DYNLT5: variants seen among roughly 807,000 people sequenced by gnomAD.
DYNLT5 encodes dynein light chain Tctex-type 5.
A neutral mutation model predicts 19.3 loss-of-function variants in DYNLT5; 25 were observed. That is an observed-to-expected ratio of 1.30 (90% CI 0.95 to 1.81). The LOEUF (loss-of-function observed/expected upper bound fraction) is 1.81, where lower values mean the gene tolerates loss of function less well. Ranked by LOEUF, DYNLT5 falls within the 40% of genes most tolerant of loss-of-function variation. DYNLT5 has a pLI of 0.00. For missense variants in DYNLT5, 232 were observed against 217.9 expected, an observed-to-expected ratio of 1.06 and a Z score of -0.41; for synonymous variants, 82 against 68.9, an observed-to-expected ratio of 1.19 and a Z score of -0.94.
chr1:66,773,295 A>G (rs981979457), intron 3 of DYNLT5, among the ~76,000 whole-genome samples: 3 of 152,124 alleles, frequency 2.0e-5, no homozygotes, highest in Non-Finnish European at 4.4e-5. Context: ...AGCACAGTAG[A>G]AAGTAGATCC....
intron 3 of DYNLT5, among the ~76,000 whole-genome samples, chr1:66,774,492 G>A (rs928868052): frequency 2.0e-5 from 3 of 151,852 alleles, no homozygotes; most frequent in South Asian, 2.1e-4. Flanking sequence ...TAAAAATAAC[G>A]ATTTATAGAA....
intron 2 of DYNLT5, among the ~76,000 whole-genome samples, chr1:66,755,121 A>G (rs1427259371): frequency 2.0e-5 from 3 of 152,204 alleles, no homozygotes; most frequent in Non-Finnish European, 2.9e-5. Context: ...TAATCAATAC[A>G]TACATATACA....
chr1:66,770,113 C>T (rs189462696), intron 2 of DYNLT5, among the ~76,000 whole-genome samples: 14 of 152,236 alleles, frequency 9.2e-5, no homozygotes, highest in South Asian at 8.3e-4. Context: ...TACATCAACC[C>T]AGGATCGCTT....
chr1:66,755,701 A>G (rs965665213), intron 2 of DYNLT5: 1 of 152,232 alleles, frequency 6.6e-6, no homozygotes, highest in African/African-American at 2.4e-5. Context: ...TGTGGATTAC[A>G]CATACAATGC....
intron 3 of DYNLT5, among the ~76,000 whole-genome samples, chr1:66,771,724 A>G (rs1645205231): frequency 6.6e-6 from 1 of 152,174 alleles, no homozygotes; most frequent in African/African-American, 2.4e-5. Context: ...CTTGCAACTA[A>G]AAGTTCTTAG....
At chr1:66,771,793 A>G (rs1211211060) in intron 3 of DYNLT5, among the ~76,000 whole-genome samples, 1 of 152,218 alleles carries the variant, frequency 6.6e-6, no homozygotes, top group Non-Finnish European at 1.5e-5. Context: ...TCAGATTTGA[A>G]CAAGACAGGG....
At chr1:66,764,174 C>T (rs539176046) in intron 2 of DYNLT5, among the ~76,000 whole-genome samples, 22 of 152,008 alleles carry the variant, frequency 1.4e-4, no homozygotes, top group African/African-American at 4.6e-4. Flanking sequence ...GGTGACAAAG[C>T]GAGATTCTGT....
intron 2 of DYNLT5, among the ~76,000 whole-genome samples, chr1:66,764,858 C>T (rs372272413): frequency 3.0e-4 from 46 of 152,176 alleles, no homozygotes; most frequent in Non-Finnish European, 6.3e-4. Context: ...CTTACCTTAC[C>T]AGACAAATAA....
At chr1:66,762,408 C>T (rs959829098) in intron 2 of DYNLT5, among the ~76,000 whole-genome samples, 1 of 152,162 alleles carries the variant, frequency 6.6e-6, no homozygotes, top group Non-Finnish European at 1.5e-5. Flanking sequence ...TCCTATCTAG[C>T]TATAATTTTG....
chr1:66,760,897 T>C (rs1170513001), intron 2 of DYNLT5, among the ~76,000 whole-genome samples: 1 of 152,246 alleles, frequency 6.6e-6, no homozygotes, highest in Non-Finnish European at 1.5e-5. Context: ...CTTAAAATTG[T>C]TGTACTTTGT....
chr1:66,757,782 G>GA (rs2094638901), intron 2 of DYNLT5, among the ~76,000 whole-genome samples: 2 of 151,836 alleles, frequency 1.3e-5, no homozygotes, highest in Admixed American at 6.6e-5. Context: ...TTACATAGGT[G>GA]AAAAAAATCA....
intron 2 of DYNLT5, among the ~76,000 whole-genome samples, chr1:66,766,628 T>C (rs2094655775): frequency 6.6e-6 from 1 of 152,240 alleles, no homozygotes; most frequent in Non-Finnish European, 1.5e-5. Flanking sequence ...AAATATTTTC[T>C]CTTTTCCTTT....
chr1:66,767,772 A>T (rs1415318842), intron 2 of DYNLT5, among the ~76,000 whole-genome samples: 1 of 152,172 alleles, frequency 6.6e-6, no homozygotes, highest in East Asian at 1.9e-4. Context: ...TCACCTCAAG[A>T]CCCAAGATAG....
chr1:66,769,809 C>T (rs1007183233), intron 2 of DYNLT5, among the ~76,000 whole-genome samples: 1 of 152,046 alleles, frequency 6.6e-6, no homozygotes, highest in Admixed American at 6.6e-5. Context: ...TTGAAAAGGC[C>T]GATTGATGCT....
Position 66,752,539 on chromosome 1 carries a change from A to C in DYNLT5, c.-49A>C. The C allele has an allele frequency of 1.0e-6, 1 of 985,590 alleles. No homozygotes were observed. Among genetic ancestry groups the C allele is most frequent in the Non-Finnish European group, 1.2e-6 (1 of 830,044 alleles). 61.1% of individuals were successfully genotyped at this position (985,590 alleles called of 1,614,324 possible). A position where few individuals can be genotyped will look rare whatever the true frequency, so the allele number is the denominator to read the frequency against. ...GAGCCGCGCCGCGCGCAGTGTCTGC[A>C]GTGCCGGAGGTCTGGGAGGCTCCGG... On this transcript the variant is annotated 5_prime_UTR_variant, in exon 1 of 5. Coordinates refer to ENST00000282670, the MANE Select transcript of DYNLT5 (RefSeq NM_152665.3).
intron 2 of DYNLT5, chr1:66,755,574 G>A (rs1158236545): frequency 6.6e-6 from 1 of 152,186 alleles, no homozygotes; most frequent in Non-Finnish European, 1.5e-5. Context: ...GAGCTAGGGT[G>A]TCCTGCAGAA....
chr1:66,763,456 A>C (rs59280098), intron 2 of DYNLT5, among the ~76,000 whole-genome samples: 2,337 of 152,320 alleles, frequency 0.015, 61 homozygotes, highest in African/African-American at 0.053. Context: ...CTCTAGCTAT[A>C]AAAGCCCTAG....
rs1242194554 is a variant in DYNLT5 at position 66,763,267 on chromosome 1, C to CATCTAG, written c.120-7119_120-7114dup. 2.2e-4 allele frequency among the ~76,000 whole-genome samples: 34 copies of CATCTAG among 152,280 alleles called. 1 individual carries two copies. In the South Asian group the frequency reaches 6.0e-3, roughly 27 times the overall value. On this transcript the variant is annotated intron_variant, in intron 2 of 4. Coordinates refer to ENST00000282670, the MANE Select transcript of DYNLT5 (RefSeq NM_152665.3). ...CTATGCCGTAAAACAGATGTGCTGT[C>CATCTAG]ATCTAGTCTTTTTTGTTTCACTTAT...
chr1:66,754,307 G>A (rs985040889), intron 1 of DYNLT5, among the ~76,000 whole-genome samples: 2 of 152,316 alleles, frequency 1.3e-5, no homozygotes, highest in South Asian at 2.1e-4. Context: ...CATTTGGGGG[G>A]CAATACAAAT....
Sources: gnomAD v4.1 joint callset for allele counts (sites outside exome capture counted in the v4.1 genomes callset) on GRCh38, gnomAD v4.1.1 for gene constraint, MANE v1.5 for transcripts, NCBI Gene and HGNC (gene_info 2026-07-23, HGNC 2026-07-21) for gene names.